Variants in ALG14 observed in about 807,000 individuals in gnomAD.
ALG14 encodes UDP-N-acetylglucosamine transferase subunit ALG14.
In ALG14, 17 loss-of-function variants were observed where a neutral mutation model predicts 22.8. That is an observed-to-expected ratio of 0.75 (90% CI 0.51 to 1.12). The LOEUF is 1.12. Ranked by LOEUF, ALG14 falls within the 50% of genes most tolerant of loss-of-function variation. The pLI, the probability that ALG14 is intolerant of heterozygous loss-of-function variation, is 0.00. For synonymous variants in ALG14, 89 were observed against 103.7 expected (o/e 0.86, Z 0.86); for missense variants, 288 against 271.8 (o/e 1.06, Z -0.42).
chr1:95,072,082 T>C (rs1172520665), intron 1 of ALG14, among the ~76,000 whole-genome samples: 1 of 152,256 alleles, frequency 6.6e-6, no homozygotes, highest in African/African-American at 2.4e-5. Flanking sequence ...TAATGCGTTA[T>C]ACTTGAACAT....
chr1:95,062,483 T>G (rs6698894), intron 2 of ALG14, among the ~76,000 whole-genome samples: 36,005 of 151,970 alleles, frequency 0.24, 4,744 homozygotes, highest in African/African-American at 0.35. Flanking sequence ...CAATGTGTGT[T>G]GTTCCCCCAT....
At chr1:95,025,684 T>A (rs1673790721) in intron 3 of ALG14, among the ~76,000 whole-genome samples, 1 of 152,238 alleles carries the variant, frequency 6.6e-6, no homozygotes, top group Non-Finnish European at 1.5e-5. Context: ...CCTTGCACTT[T>A]TATGCTATGC....
chr1:95,033,880 C>T (rs1674103473), intron 2 of ALG14, among the ~76,000 whole-genome samples: 1 of 152,218 alleles, frequency 6.6e-6, no homozygotes, highest in Non-Finnish European at 1.5e-5. Context: ...TTGCCAGACC[C>T]ATCTGTTTAT....
chr1:95,004,215 CTTTTTTTTTT>C (rs869303546), intron 3 of ALG14, among the ~76,000 whole-genome samples: 1 of 117,088 alleles, frequency 8.5e-6, no homozygotes, highest in African/African-American at 3.4e-5. Context: ...GGGTAATTAA[CTTTTTTTTTT>C]TTTTTTTTTT....
At chr1:95,028,050 C>T (rs529638153) in intron 2 of ALG14, among the ~76,000 whole-genome samples, 2 of 152,310 alleles carry the variant, frequency 1.3e-5, no homozygotes, top group Non-Finnish European at 2.9e-5. Context: ...TCCCAAGACA[C>T]GTTAAGTGAA....
rs1478059819 is a variant in ALG14, at chr1:94,975,588, A to G, written c.*7488T>C. The G allele has an allele frequency of 1.3e-5, 2 of 152,214 alleles. No homozygotes were observed. Among genetic ancestry groups the G allele is most frequent in the African/African-American group, 4.8e-5 (2 of 41,466 alleles). 9.4% of individuals were successfully genotyped at this position (152,214 alleles called of 1,614,324 possible). A position where few individuals can be genotyped will look rare whatever the true frequency, so the allele number is the denominator to read the frequency against. ...AACTGTTTTCCACAGCTGCTGCACCATTCTACATTCCTACCAGCAATGTAG... is the reference window on the plus strand; with the variant it reads ...AACTGTTTTCCACAGCTGCTGCACCGTTCTACATTCCTACCAGCAATGTAG... On this transcript the variant is annotated 3_prime_UTR_variant, in exon 4 of 4. Coordinates refer to ENST00000370205, the MANE Select transcript of ALG14 (RefSeq NM_144988.4).
Position 95,004,322 on chromosome 1 carries a change from C to T in ALG14, c.421-21016G>A, listed in dbSNP as rs545913921. On this transcript the variant is annotated intron_variant, in intron 3 of 3. Transcript: ENST00000370205. Reference sequence around the variant, plus strand: ...CTGCAACCTCTGCCTCCTGGCTTCACGTGATTCTCATGACTCAGCCTCCTC... The same window carrying T: ...CTGCAACCTCTGCCTCCTGGCTTCATGTGATTCTCATGACTCAGCCTCCTC... Among the ~76,000 whole-genome samples, 16 of 150,130 alleles carry T rather than the reference C, an allele frequency of 1.1e-4. No individual in the cohort carries two copies. The East Asian group carries it at 1.4e-3, about 13-fold the overall frequency.
intron 2 of ALG14, among the ~76,000 whole-genome samples, chr1:95,058,290 A>G: frequency 2.1e-5 from 3 of 143,340 alleles, no homozygotes. Flanking sequence ...ATCTGAAAAA[A>G]AAAAAAAAAA....
chr1:95,015,602 A>C (rs2100754759), intron 3 of ALG14, among the ~76,000 whole-genome samples: 1 of 152,344 alleles, frequency 6.6e-6, no homozygotes, highest in African/African-American at 2.4e-5. Context: ...GTGCATGTGG[A>C]TAAGCCCTTC....
intron 3 of ALG14, among the ~76,000 whole-genome samples, chr1:95,013,049 T>C (rs1673410462): frequency 6.6e-6 from 1 of 151,282 alleles, no homozygotes; most frequent in African/African-American, 2.4e-5. Context: ...GGCAGGAGAA[T>C]TGCTTGAACC....
chr1:95,003,450 CTTTTT>C (rs11286582), intron 3 of ALG14, among the ~76,000 whole-genome samples: 2 of 134,214 alleles, frequency 1.5e-5, no homozygotes, highest in Non-Finnish European at 3.2e-5. Context: ...TGCCCTCATT[CTTTTT>C]TTTTTTTTTT....
intron 2 of ALG14, among the ~76,000 whole-genome samples, chr1:95,030,284 C>T (rs577495155): frequency 2.6e-5 from 4 of 151,424 alleles, no homozygotes; most frequent in African/African-American, 7.3e-5. Context: ...CAGGTTTTGC[C>T]GTTAAATAAG....
intron 2 of ALG14, among the ~76,000 whole-genome samples, chr1:95,030,188 A>C (rs1029542494): frequency 6.6e-5 from 10 of 152,232 alleles, no homozygotes; most frequent in African/African-American, 2.2e-4. Context: ...GAAAGAAATA[A>C]AACATATTAA....
intron 1 of ALG14, among the ~76,000 whole-genome samples, chr1:95,071,199 G>A (rs184676329): frequency 2.0e-5 from 3 of 152,188 alleles, no homozygotes; most frequent in Non-Finnish European, 2.9e-5. Context: ...CTAGAGGCCT[G>A]TGGTCTTAAC....
At chr1:95,015,296 A>G (rs978734408) in intron 3 of ALG14, among the ~76,000 whole-genome samples, 3 of 152,194 alleles carry the variant, frequency 2.0e-5, no homozygotes, top group Admixed American at 2.0e-4. Context: ...CTTACTATTC[A>G]GTTATTAATC....
chr1:95,067,538 T>A (rs939199643), intron 1 of ALG14: 1 of 151,522 alleles, frequency 6.6e-6, no homozygotes. Context: ...ATAAAGTCAT[T>A]AAAATGATGG....
rs1216968509 is a variant in ALG14, at chr1:94,976,519, C to T, written c.*6557G>A. On this transcript the variant is annotated 3_prime_UTR_variant, in exon 4 of 4. Coordinates refer to ENST00000370205, the MANE Select transcript of ALG14 (RefSeq NM_144988.4). ...ACCAGCCCGGCCAACATGGTGAAAC[C>T]CCATCTCTGCTAAAAATACAAAAGT... is the stretch of plus-strand genomic sequence containing the variant. 2.6e-5 allele frequency: 4 copies of T among 152,032 alleles called. No individual in the cohort carries two copies. Among genetic ancestry groups the T allele is most frequent in the Non-Finnish European group, 5.9e-5 (4 of 68,026 alleles). 9.4% of individuals were successfully genotyped at this position (152,032 alleles called of 1,614,324 possible).
In ALG14 at chr1:95,066,868, A is replaced by C. The variant is rs367859148; in HGVS notation, c.137-1851T>G. ...AGAGCGAGACTCTGTCTCAAAAAAG[A>C]AAAAAAAAACAAGTGGTGGTACTCC... On this transcript the variant is annotated intron_variant, in intron 1 of 3. Transcript: ENST00000370205. Among the ~76,000 whole-genome samples, 35 of 149,210 alleles carry C rather than the reference A, an allele frequency of 2.3e-4. No homozygotes were observed. The East Asian group carries it at 4.5e-3, about 19-fold the overall frequency.
chr1:94,984,070 T>C (rs1404743602), intron 3 of ALG14, among the ~76,000 whole-genome samples: 1 of 151,624 alleles, frequency 6.6e-6, no homozygotes, highest in Admixed American at 6.6e-5. Context: ...TTGAAGAAAA[T>C]AAGAGAAAAC....
Sources: allele counts gnomAD v4.1 joint callset (sites outside exome capture counted in the v4.1 genomes callset), GRCh38; gene constraint gnomAD v4.1.1; transcripts MANE v1.5; gene names NCBI Gene and HGNC (gene_info 2026-07-23, HGNC 2026-07-21).